The following EPB41L4B variants were observed in gnomAD, a reference collection of about 807,000 sequenced individuals.
EPB41L4B encodes erythrocyte membrane protein band 4.1 like 4B, also known as band 4.1-like protein 4B.
In EPB41L4B, 30 loss-of-function variants were observed where a neutral mutation model predicts 112.5. The ratio of observed to expected loss-of-function variants is 0.27; its 90% CI spans 0.20 to 0.36. The LOEUF (loss-of-function observed/expected upper bound fraction) is 0.36. Ranked by LOEUF, EPB41L4B falls within the 10% of genes least tolerant of loss-of-function variation. The pLI is 1.00. For synonymous variants in EPB41L4B, 408 were observed against 439.7 expected (o/e 0.93, Z 0.90); for missense variants, 1,024 against 1,133.3 (o/e 0.90, Z 1.38).
rs892621562 is a variant in EPB41L4B at position 109,293,720 on chromosome 9, A to C, written c.307-13799T>G. Among the ~76,000 whole-genome samples the C allele has an allele frequency of 7.3e-5, 10 of 137,658 alleles. No homozygotes were observed. The East Asian group carries it at 2.3e-3, about 31-fold the overall frequency. The allele number at this position is 137,658 out of a possible 152,430, so 90.3% of individuals were successfully genotyped here. On this transcript the variant is annotated intron_variant, in intron 1 of 25. Coordinates refer to ENST00000374566, the MANE Select transcript of EPB41L4B (RefSeq NM_019114.5). ...TCTTAAAAAAAAAAAAAAAAAAAAA[A>C]CATAAACTAAAAACTGTTTTTTGAA...
At chr9:109,263,155 T>C (rs908380196) in intron 5 of EPB41L4B, 53 bp from the exon 6 acceptor site, 20 of 1,117,988 alleles carry the variant, frequency 1.8e-5, no homozygotes, top group Middle Eastern at 2.4e-4. Flanking sequence ...AGTACAACCA[T>C]ACAAAATGTC....
intron 12 of EPB41L4B, among the ~76,000 whole-genome samples, chr9:109,252,330 C>A (rs1834819217): frequency 6.6e-6 from 1 of 152,230 alleles, no homozygotes; most frequent in Non-Finnish European, 1.5e-5. Context: ...CATAATCCTC[C>A]TCATGGAACA....
chr9:109,177,446 G>T (rs1831883338), intron 24 of EPB41L4B, among the ~76,000 whole-genome samples: 1 of 152,152 alleles, frequency 6.6e-6, no homozygotes, highest in Admixed American at 6.5e-5. Context: ...GTCTCATTTG[G>T]AGAGGATAAT....
At chr9:109,187,394 G>C (rs1188660954) in intron 22 of EPB41L4B, among the ~76,000 whole-genome samples, 1 of 147,966 alleles carries the variant, frequency 6.8e-6, no homozygotes, top group African/African-American at 2.4e-5. Context: ...TCAAATTTGG[G>C]AGATGTAGAA....
At chr9:109,221,419 C>G (rs145800780) in intron 15 of EPB41L4B, among the ~76,000 whole-genome samples, 41 of 152,294 alleles carry the variant, frequency 2.7e-4, no homozygotes, top group African/African-American at 9.9e-4. Flanking sequence ...GAAAATTCCC[C>G]TTTGCTTGGA....
intron 1 of EPB41L4B, among the ~76,000 whole-genome samples, chr9:109,319,151 T>C (rs566452282): frequency 3.3e-5 from 5 of 152,280 alleles, no homozygotes; most frequent in Non-Finnish European, 5.9e-5. Context: ...CAGCGCCGGG[T>C]GCACAGTGGG....
chr9:109,241,783 T>C (rs901256095), intron 15 of EPB41L4B: 10 of 1,614,072 alleles, frequency 6.2e-6, no homozygotes, highest in Non-Finnish European at 7.6e-6. Context: ...TGCTTTCCAA[T>C]GCGACCTGTC....
chr9:109,246,274 C>T (rs1241604914), intron 14 of EPB41L4B, among the ~76,000 whole-genome samples: 2 of 152,138 alleles, frequency 1.3e-5, no homozygotes, highest in Non-Finnish European at 1.5e-5. Flanking sequence ...TGGTGGCATA[C>T]ACCTATAACC....
intron 1 of EPB41L4B, among the ~76,000 whole-genome samples, chr9:109,303,424 C>T (rs1023260889): frequency 6.6e-6 from 1 of 152,144 alleles, no homozygotes; most frequent in Non-Finnish European, 1.5e-5. Context: ...CGACTCACTG[C>T]AACCTCCACC....
At chr9:109,299,375 A>G (rs1305592057) in intron 1 of EPB41L4B, among the ~76,000 whole-genome samples, 2 of 152,030 alleles carry the variant, frequency 1.3e-5, no homozygotes, top group Admixed American at 1.3e-4. Flanking sequence ...TCCTGGAATC[A>G]AGCAATCCTC....
intron 24 of EPB41L4B, among the ~76,000 whole-genome samples, chr9:109,179,260 T>C (rs567537120): frequency 6.6e-6 from 1 of 152,302 alleles, no homozygotes; most frequent in African/African-American, 2.4e-5. Flanking sequence ...CCCAGCTCCA[T>C]CAATGCTAGA....
chr9:109,319,456 A>G (rs892396425), intron 1 of EPB41L4B, among the ~76,000 whole-genome samples: 15 of 152,204 alleles, frequency 9.9e-5, no homozygotes, highest in African/African-American at 3.6e-4. Context: ...CTGCCGGTGC[A>G]AGGCAGGCAG....
intron 17 of EPB41L4B, among the ~76,000 whole-genome samples, chr9:109,211,696 T>C (rs529711653): frequency 2.0e-5 from 3 of 149,000 alleles, no homozygotes; most frequent in Non-Finnish European, 4.4e-5. Flanking sequence ...CTAGCTTACT[T>C]GATTACTAAT....
intron 20 of EPB41L4B, among the ~76,000 whole-genome samples, chr9:109,194,893 T>G (rs10979743): frequency 5.3e-5 from 8 of 152,150 alleles, no homozygotes; most frequent in Admixed American, 2.6e-4. Context: ...ACACACTCTA[T>G]GTTCCTCTGT....
At chr9:109,269,423 T>C (rs1423967705) in intron 2 of EPB41L4B, among the ~76,000 whole-genome samples, 1 of 152,154 alleles carries the variant, frequency 6.6e-6, no homozygotes, top group East Asian at 1.9e-4. Flanking sequence ...GATACTGCTG[T>C]CCTAAGGAGT....
At chr9:109,298,917 G>T (rs1433364768) in intron 1 of EPB41L4B, among the ~76,000 whole-genome samples, 1 of 152,124 alleles carries the variant, frequency 6.6e-6, no homozygotes, top group African/African-American at 2.4e-5. Context: ...CCCTGCAAGA[G>T]TACCACCAGA....
intron 2 of EPB41L4B, among the ~76,000 whole-genome samples, chr9:109,271,137 A>G (rs1431196122): frequency 2.0e-5 from 3 of 152,220 alleles, no homozygotes; most frequent in African/African-American, 7.2e-5. Flanking sequence ...GCTGGTGTGC[A>G]TTCACAGGCA....
intron 1 of EPB41L4B, among the ~76,000 whole-genome samples, chr9:109,285,407 G>T (rs1836235732): frequency 6.6e-6 from 1 of 152,194 alleles, no homozygotes; most frequent in Non-Finnish European, 1.5e-5. Context: ...CTGGCTCGGA[G>T]GTGGAAGACA....
intron 22 of EPB41L4B, among the ~76,000 whole-genome samples, chr9:109,190,402 G>A (rs563272221): frequency 6.6e-6 from 1 of 152,206 alleles, no homozygotes; most frequent in Non-Finnish European, 1.5e-5. Context: ...TGATGGGAAG[G>A]CCCAGAGAGA....
Sources: gnomAD v4.1 joint callset for allele counts (sites outside exome capture counted in the v4.1 genomes callset) on GRCh38, gnomAD v4.1.1 for gene constraint, MANE v1.5 for transcripts, NCBI Gene and HGNC (gene_info 2026-07-23, HGNC 2026-07-21) for gene names.